ENTREP2: variants seen among roughly 807,000 people sequenced by gnomAD.
The protein encoded by ENTREP2 is endosomal transmembrane epsin interactor 2, also known as protein ENTREP2.
At chr15:29,448,349 G>A in the ENTREP2 span, among the ~76,000 whole-genome samples, 23 of 152,142 alleles carry the variant, frequency 1.5e-4, no homozygotes, top group Non-Finnish European at 2.5e-4. Flanking sequence ...CTCCCTGGCA[G>A]ATATCTCCCA....
chr15:29,141,263 TCTGGGCCCTGC>T, the ENTREP2 span, among the ~76,000 whole-genome samples: 1 of 152,332 alleles, frequency 6.6e-6, no homozygotes, highest in East Asian at 1.9e-4. Flanking sequence ...GTCAGTTGTC[TCTGGGCCCTGC>T]CTGGGCACTG....
At chr15:29,432,403 G>A in the ENTREP2 span, among the ~76,000 whole-genome samples, 7 of 152,142 alleles carry the variant, frequency 4.6e-5, no homozygotes, top group Non-Finnish European at 8.8e-5. Flanking sequence ...TCCACATCAC[G>A]GATGCCTCGT....
chr15:29,665,507 G>A, the ENTREP2 span, among the ~76,000 whole-genome samples: 2 of 152,182 alleles, frequency 1.3e-5, no homozygotes, highest in Admixed American at 1.3e-4. Context: ...AGACCCTCCA[G>A]GGAACCCTTA....
the ENTREP2 span, chr15:29,234,979 A>T: frequency 6.9e-7 from 1 of 1,440,338 alleles, no homozygotes; most frequent in South Asian, 1.1e-5. Context: ...TTGTATTAAC[A>T]CAGCCATCAT....
chr15:29,298,888 T>C, the ENTREP2 span, among the ~76,000 whole-genome samples: 2 of 144,596 alleles, frequency 1.4e-5, no homozygotes, highest in Non-Finnish European at 3.0e-5. Flanking sequence ...AGTACCAACC[T>C]CTGATAAGAC....
chr15:29,396,281 C>T, the ENTREP2 span, among the ~76,000 whole-genome samples: 4 of 151,982 alleles, frequency 2.6e-5, no homozygotes, highest in African/African-American at 4.8e-5. Flanking sequence ...CCCCCAGCCC[C>T]GGGCAACTAC....
chr15:29,391,865 C>T, the ENTREP2 span, among the ~76,000 whole-genome samples: 60 of 152,210 alleles, frequency 3.9e-4, no homozygotes, highest in Admixed American at 3.9e-3. Flanking sequence ...GGCTCTATCG[C>T]CCAGGCTGGA....
chr15:29,625,340 G>T, the ENTREP2 span, among the ~76,000 whole-genome samples: 1 of 152,138 alleles, frequency 6.6e-6, no homozygotes, highest in Non-Finnish European at 1.5e-5. Flanking sequence ...GTACAAGTTT[G>T]TGTGTGAATA....
At chr15:29,177,724 G>C in the ENTREP2 span, among the ~76,000 whole-genome samples, 3 of 152,170 alleles carry the variant, frequency 2.0e-5, no homozygotes, top group African/African-American at 7.2e-5. Flanking sequence ...TCAGGGGCCA[G>C]AGGAAGGGAC....
chr15:29,414,924 A>G, the ENTREP2 span, among the ~76,000 whole-genome samples: 1 of 152,228 alleles, frequency 6.6e-6, no homozygotes, highest in Non-Finnish European at 1.5e-5. Context: ...TCCTCGACAC[A>G]TACACCCTCC....
At chr15:29,230,542 A>G in the ENTREP2 span, among the ~76,000 whole-genome samples, 1 of 152,256 alleles carries the variant, frequency 6.6e-6, no homozygotes, top group African/African-American at 2.4e-5. Context: ...AAGAAAAATA[A>G]TAAGTCACAA....
At chr15:29,589,752 A>C in the ENTREP2 span, among the ~76,000 whole-genome samples, 6 of 152,190 alleles carry the variant, frequency 3.9e-5, no homozygotes, top group South Asian at 4.1e-4. Context: ...GCTGTGATAC[A>C]GACAGTAGGA....
the ENTREP2 span, among the ~76,000 whole-genome samples, chr15:29,487,827 G>A: frequency 0.031 from 4,717 of 152,210 alleles, 275 homozygotes; most frequent in African/African-American, 0.11. Flanking sequence ...AGAGCAGCTG[G>A]GATTACAGGC....
At chr15:29,284,995 A>G in the ENTREP2 span, among the ~76,000 whole-genome samples, 1 of 152,236 alleles carries the variant, frequency 6.6e-6, no homozygotes, top group African/African-American at 2.4e-5. Flanking sequence ...TCCAGGAATA[A>G]GGAGAAGACA....
At chr15:29,281,249 T>C in the ENTREP2 span, among the ~76,000 whole-genome samples, 2 of 152,244 alleles carry the variant, frequency 1.3e-5, no homozygotes, top group African/African-American at 4.8e-5. Context: ...TAATTTATTA[T>C]CCATTTATGG....
the ENTREP2 span, among the ~76,000 whole-genome samples, chr15:29,199,534 G>C: frequency 6.6e-6 from 1 of 152,168 alleles, no homozygotes; most frequent in African/African-American, 2.4e-5. Flanking sequence ...ATTCAGAGGA[G>C]ATTTTCAGTT....
At chr15:29,556,765 C>CCG in the ENTREP2 span, among the ~76,000 whole-genome samples, 2 of 109,804 alleles carry the variant, frequency 1.8e-5, no homozygotes, top group African/African-American at 6.2e-5. Flanking sequence ...TGCAGGTGCC[C>CCG]CCCCCCCGCC....
chr15:29,338,827 G>A, the ENTREP2 span, among the ~76,000 whole-genome samples: 8 of 152,216 alleles, frequency 5.3e-5, no homozygotes, highest in Admixed American at 2.6e-4. Context: ...CAAATAAAAC[G>A]GTTGTGGGAG....
At chr15:29,377,140 G>A in the ENTREP2 span, among the ~76,000 whole-genome samples, 1 of 152,102 alleles carries the variant, frequency 6.6e-6, no homozygotes, top group African/African-American at 2.4e-5. Flanking sequence ...CAAATCATTA[G>A]CACAGACAAT....
Sources: allele counts gnomAD v4.1 joint callset (sites outside exome capture counted in the v4.1 genomes callset), GRCh38; gene constraint gnomAD v4.1.1; transcripts MANE v1.5; gene names NCBI Gene and HGNC (gene_info 2026-07-23, HGNC 2026-07-21).